CDH4: variants seen among roughly 807,000 people sequenced by gnomAD.
CDH4 encodes cadherin-4.
Under a neutral mutation model 86.0 loss-of-function variants are expected in CDH4, and 33 were observed. That is an observed-to-expected ratio of 0.38 (90% CI 0.29 to 0.51). CDH4 has a LOEUF of 0.51. Ranked by LOEUF, CDH4 falls within the 20% of genes least tolerant of loss-of-function variation. The pLI, the probability that CDH4 is intolerant of heterozygous loss-of-function variation, is 0.86. For synonymous variants in CDH4, 555 were observed against 549.4 expected, an observed-to-expected ratio of 1.01 and a Z score of -0.14; for missense variants, 1,114 against 1,307.4, an observed-to-expected ratio of 0.85 and a Z score of 2.28.
At chr20:61,590,876 T>TGCTG (rs535456574) in intron 2 of CDH4, among the ~76,000 whole-genome samples, 1 of 137,518 alleles carries the variant, frequency 7.3e-6, no homozygotes. Flanking sequence ...CCTAAATCTA[T>TGCTG]GGGGGGGGGG....
intron 7 of CDH4, among the ~76,000 whole-genome samples, chr20:61,887,244 G>A (rs1020819949): frequency 4.6e-5 from 7 of 152,278 alleles, no homozygotes; most frequent in Middle Eastern, 3.4e-3. Flanking sequence ...CCTGCCAACG[G>A]GAAGGCCACT....
At chr20:61,524,255 C>T (rs1470212548) in intron 2 of CDH4, among the ~76,000 whole-genome samples, 1 of 152,172 alleles carries the variant, frequency 6.6e-6, no homozygotes, top group Non-Finnish European at 1.5e-5. Flanking sequence ...GACACAGTCA[C>T]TCTCGAGTCA....
At chr20:61,920,373 T>TTATG (rs2054963610) in intron 9 of CDH4, among the ~76,000 whole-genome samples, 1 of 146,512 alleles carries the variant, frequency 6.8e-6, no homozygotes, top group South Asian at 2.2e-4. Flanking sequence ...CGTGTCGTGA[T>TTATG]TGGAAGCGTG....
intron 2 of CDH4, among the ~76,000 whole-genome samples, chr20:61,479,083 A>G (rs1196588021): frequency 6.6e-6 from 1 of 151,794 alleles, no homozygotes; most frequent in Non-Finnish European, 1.5e-5. Flanking sequence ...TCTGAGAGGA[A>G]ATCTGTTGTG....
At chr20:61,578,570 G>A (rs1273505556) in intron 2 of CDH4, among the ~76,000 whole-genome samples, 2 of 152,174 alleles carry the variant, frequency 1.3e-5, no homozygotes, top group Non-Finnish European at 2.9e-5. Flanking sequence ...ACCACAGGAA[G>A]ATGGTTCCCT....
At chr20:61,573,460 A>G (rs893871223) in intron 2 of CDH4, among the ~76,000 whole-genome samples, 2 of 152,164 alleles carry the variant, frequency 1.3e-5, no homozygotes, top group Admixed American at 1.3e-4. Context: ...CTATAATTAG[A>G]CCACCTGCCA....
chr20:61,847,531 C>A lies in CDH4; in HGVS notation c.732+2708C>A, dbSNP rs370995259. Among the ~76,000 whole-genome samples the A allele has an allele frequency of 1.1e-4, 17 of 152,238 alleles. No individual in the cohort carries two copies. The South Asian group carries it at 3.3e-3, about 30-fold the overall frequency. On this transcript the variant is annotated intron_variant, in intron 5 of 15. Coordinates refer to ENST00000614565, the MANE Select transcript of CDH4 (RefSeq NM_001794.5). ...CCCCACCACCTCCTGCCATGCCGTG[C>A]AAACATGCCGTGTAAACATGCGGTG... is the stretch of plus-strand genomic sequence containing the variant.
chr20:61,365,488 G>A, intron 2 of CDH4, among the ~76,000 whole-genome samples: 1 of 152,132 alleles, frequency 6.6e-6, no homozygotes, highest in South Asian at 2.1e-4. Context: ...ACAGGAGGCG[G>A]CACTCACTAT....
chr20:61,253,404 G>A (rs913852709), intron 1 of CDH4, among the ~76,000 whole-genome samples: 8 of 152,090 alleles, frequency 5.3e-5, no homozygotes, highest in Non-Finnish European at 7.4e-5. Flanking sequence ...CGGCTCCGGG[G>A]GCGCCCCTGG....
intron 8 of CDH4, among the ~76,000 whole-genome samples, chr20:61,906,511 G>C (rs533331843): frequency 1.1e-4 from 17 of 152,356 alleles, no homozygotes; most frequent in African/African-American, 3.8e-4. Context: ...CTGCCAAGTG[G>C]CTCCCGGGGG....
At chr20:61,645,131 T>G (rs1304168769) in intron 2 of CDH4, among the ~76,000 whole-genome samples, 2 of 152,230 alleles carry the variant, frequency 1.3e-5, no homozygotes, top group African/African-American at 4.8e-5. Context: ...CTCAAGTTAG[T>G]TACTAGGTTT....
intron 2 of CDH4, among the ~76,000 whole-genome samples, chr20:61,563,074 T>C (rs1326640928): frequency 6.6e-6 from 1 of 152,026 alleles, no homozygotes; most frequent in Non-Finnish European, 1.5e-5. Context: ...CGAGGGTCCG[T>C]GGGGAGCCCA....
chr20:61,768,604 A>G (rs1425618309), intron 3 of CDH4, among the ~76,000 whole-genome samples: 1 of 152,228 alleles, frequency 6.6e-6, no homozygotes, highest in African/African-American at 2.4e-5. Context: ...GAGTATAATT[A>G]TGCATCAGTG....
chr20:61,756,173 G>A (rs1017011761), intron 3 of CDH4, among the ~76,000 whole-genome samples: 2 of 152,198 alleles, frequency 1.3e-5, no homozygotes, highest in Non-Finnish European at 2.9e-5. Context: ...GCACCCCCTG[G>A]GCTGTGGTGC....
At chr20:61,502,464 G>C (rs2085710696) in intron 2 of CDH4, among the ~76,000 whole-genome samples, 1 of 152,104 alleles carries the variant, frequency 6.6e-6, no homozygotes, top group Non-Finnish European at 1.5e-5. Context: ...GAAGTGTTTT[G>C]GGTTAAAATG....
Position 61,510,837 on chromosome 20 carries a change from C to T in CDH4, c.170-232726C>T, listed in dbSNP as rs2085774180. Among the ~76,000 whole-genome samples the T allele has an allele frequency of 6.6e-6, 1 of 150,618 alleles. No homozygotes were observed. The highest frequency in any genetic ancestry group is 2.5e-5 in the African/African-American group (1 of 40,734). ...AGGTTCTGCAGACTTTGCAGGATGCCTGGTGCCAGCATCTGCTTAGCTTCT... is the reference window on the plus strand; with the variant it reads ...AGGTTCTGCAGACTTTGCAGGATGCTTGGTGCCAGCATCTGCTTAGCTTCT... On this transcript the variant is annotated intron_variant, in intron 2 of 15. Coordinates refer to ENST00000614565, the MANE Select transcript of CDH4 (RefSeq NM_001794.5). The surrounding 1 kb of genome is among the most constrained non-coding windows in gnomAD (Gnocchi z 4.2).
At chr20:61,857,201 C>T (rs548736962) in intron 6 of CDH4, among the ~76,000 whole-genome samples, 2 of 152,382 alleles carry the variant, frequency 1.3e-5, no homozygotes, top group East Asian at 1.9e-4. Context: ...CATCTTCATG[C>T]GTTCCGCGCT....
intron 3 of CDH4, among the ~76,000 whole-genome samples, chr20:61,752,864 G>T (rs943910882): frequency 2.6e-5 from 4 of 152,170 alleles, no homozygotes; most frequent in African/African-American, 4.8e-5. Context: ...TCGGTTGAGG[G>T]TTCCTTTCAG....
intron 5 of CDH4, among the ~76,000 whole-genome samples, chr20:61,845,456 G>A (rs763941079): frequency 3.9e-5 from 6 of 152,150 alleles, no homozygotes; most frequent in South Asian, 4.1e-4. Flanking sequence ...GACCCTGGCC[G>A]AGAGGAGGGG....
Sources: gnomAD v4.1 joint callset for allele counts (sites outside exome capture counted in the v4.1 genomes callset) on GRCh38, gnomAD v4.1.1 for gene constraint, Gnocchi (gnomAD v3.1) non-coding constraint, MANE v1.5 for transcripts, NCBI Gene and HGNC (gene_info 2026-07-23, HGNC 2026-07-21) for gene names.